Variants in NINL observed in about 807,000 individuals in gnomAD.
NINL encodes the protein ninein like.
Under a neutral mutation model 160.3 loss-of-function variants are expected in NINL, and 153 were observed. The ratio of observed to expected loss-of-function variants is 0.95; its 90% CI spans 0.84 to 1.09. The LOEUF is 1.09. Among genes scored for constraint, NINL ranks in the 50% least tolerant of loss-of-function variants. The pLI is 0.00. For missense variants in NINL, 1,829 were observed against 1,764.0 expected (o/e 1.04, Z -0.66); for synonymous variants, 800 against 734.8 (o/e 1.09, Z -1.43).
At chr20:25,482,150 C>T (rs747215118) in intron 13 of NINL, 50 bp from the exon 14 acceptor site, 33 of 1,566,216 alleles carry the variant, frequency 2.1e-5, no homozygotes, top group Non-Finnish European at 3.5e-6. Context: ...GCCATTCAGC[C>T]CAGCGAGCTG....
intron 1 of NINL, 46 bp from the exon 2 acceptor site, chr20:25,526,644 C>T (rs1446962947): frequency 2.6e-6 from 4 of 1,560,646 alleles, no homozygotes; most frequent in East Asian, 2.3e-5. Flanking sequence ...CACTTTCCCA[C>T]CTCCCCTCCC....
At chr20:25,566,156 C>G (rs1255896302) in intron 1 of NINL, among the ~76,000 whole-genome samples, 2 of 152,210 alleles carry the variant, frequency 1.3e-5, no homozygotes, top group African/African-American at 4.8e-5. Flanking sequence ...GACAGATACC[C>G]TGTTGGTCTC....
intron 14 of NINL, among the ~76,000 whole-genome samples, chr20:25,480,571 G>A (rs1184366895): frequency 6.6e-6 from 1 of 152,266 alleles, no homozygotes; most frequent in South Asian, 2.1e-4. Context: ...AAGATGCCAG[G>A]GTCACGGAGG....
intron 8 of NINL, 127 bp downstream of exon 8, chr20:25,500,713 G>A: frequency 1.2e-6 from 1 of 862,610 alleles, no homozygotes; most frequent in Non-Finnish European, 1.7e-6. Flanking sequence ...TTCCTTGCAT[G>A]GCATTCTCTG....
At chr20:25,453,734 A>C (rs1222419497) in intron 23 of NINL, 92 bp from the exon 24 acceptor site, 1 of 1,238,126 alleles carries the variant, frequency 8.1e-7, no homozygotes, top group Non-Finnish European at 1.1e-6. Context: ...GGTTTACGCA[A>C]ACCACAGTTT....
chr20:25,504,181 C>T (rs1003894970), intron 6 of NINL, 77 bp from the exon 7 acceptor site: 34 of 1,459,786 alleles, frequency 2.3e-5, no homozygotes, highest in Admixed American at 9.4e-5. Flanking sequence ...CTCCCTCCCT[C>T]CCTCCCTCTG....
Position 25,510,717 on chromosome 20 carries a change from G to A in NINL, c.474C>T (p.Ala158=), listed in dbSNP as rs75652027. 3.9e-3 allele frequency: 6,227 copies of A among 1,613,762 alleles called. 212 individuals are homozygous for A. The African/African-American group carries it at 0.07, about 18-fold the overall frequency. Residue 158 remains alanine, a synonymous_variant, in exon 5 of 24, where the codon GCC becomes GCT. Transcript: ENST00000278886. ...SVESPKSDEE[A]ESTKEAQNEL... ...CATTCTGAGCTTCTTTAGTGCTCTC[G>A]GCCTCTTCATCTGACTTGGGACTCT...
chr20:25,476,651 C>T lies in NINL; in HGVS notation c.2640G>A (p.Arg880=). 1.9e-6 allele frequency: 3 copies of T among 1,587,962 alleles called. No individual in the cohort carries two copies. In the East Asian group the frequency reaches 6.7e-5, roughly 36 times the overall value. ...GCGTAGCTTCTGTGTCCTGGGCTTG[C>T]CTGCGGCGAGGCCCGGCTCCTGCCG... ...EEAAGAGPRR[R]QAQDTEATQS... The change falls in exon 17 of 24, where the codon AGG becomes AGA. Residue 880 remains arginine (R), a synonymous_variant. Coordinates refer to ENST00000278886, the MANE Select transcript of NINL (RefSeq NM_025176.6).
chr20:25,461,539 C>G lies in NINL; in HGVS notation c.3679G>C (p.Glu1227Gln), dbSNP rs772349300. ...LPWSELTQTL[E>Q]ESQDQVQGAH... ...ACACCCACCTGGTCTTGACTTTCCT[C>G]AAGGGTCTGGGTCAGCTCTGACCAT... The change falls in exon 21 of 24, where the codon GAG becomes CAG. Residue 1227 changes from glutamate (E) to glutamine (Q), a missense_variant. Physicochemically the swap from Glu to Gln is conservative, Grantham distance 29. Coordinates refer to ENST00000278886, the MANE Select transcript of NINL (RefSeq NM_025176.6). The G allele has an allele frequency of 6.3e-7, 1 of 1,576,304 alleles. No individual in the cohort carries two copies. The highest frequency in any genetic ancestry group is 1.4e-5 in the African/African-American group (1 of 72,816).
Position 25,476,985 on chromosome 20 carries a change from A to G in NINL, c.2306T>C (p.Leu769Pro), listed in dbSNP as rs763417743. 11 of 1,605,112 alleles carry G rather than the reference A, an allele frequency of 6.9e-6. No individual in the cohort carries two copies. The East Asian group carries it at 2.5e-4, about 36-fold the overall frequency. The change falls in exon 17 of 24, where the codon CTG becomes CCG. Residue 769 changes from leucine (L) to proline (P), a missense_variant. By Grantham distance (98) the Leu-to-Pro change is moderately conservative (BLOSUM62 -3). Coordinates refer to ENST00000278886, the MANE Select transcript of NINL (RefSeq NM_025176.6). ...LELEEPPQGP[L>P]PRGSQRSEQL... Reference sequence around the variant, plus strand: ...CTCCGACCTCTGGCTCCCGCGTGGCAGGGGTCCCTGCGGCGGCTCCTCCAG... The same window carrying G: ...CTCCGACCTCTGGCTCCCGCGTGGCGGGGGTCCCTGCGGCGGCTCCTCCAG...
At chr20:25,463,940 G>C (rs1278208220) in intron 19 of NINL, among the ~76,000 whole-genome samples, 1 of 152,168 alleles carries the variant, frequency 6.6e-6, no homozygotes. Context: ...AGTTGTGTAT[G>C]GTATAGAGCT....
intron 1 of NINL, among the ~76,000 whole-genome samples, chr20:25,578,590 G>A (rs894619027): frequency 1.1e-4 from 16 of 151,574 alleles, no homozygotes; most frequent in South Asian, 2.1e-4. Flanking sequence ...TCAGGAGACC[G>A]AGACCATCCT....
chr20:25,461,599 A>T lies in NINL; in HGVS notation c.3619T>A (p.Cys1207Ser). 6.2e-7 allele frequency: 1 copy of T among 1,612,108 alleles called. No individual in the cohort carries two copies. Among genetic ancestry groups the T allele is most frequent in the Non-Finnish European group, 8.5e-7 (1 of 1,179,318 alleles). The part of the protein sequence containing the change: ...QIQKLRVELE[C>S]LNQEHQSLQL... ...AGGCTCTGATGTTCCTGATTCAGGC[A>T]TTCAAGTTCAACTCTAAGTTTTTGG... The change falls in exon 21 of 24, where the codon TGC becomes AGC. Residue 1207 changes from cysteine (C) to serine (S), a missense_variant. Coordinates refer to ENST00000278886, the MANE Select transcript of NINL (RefSeq NM_025176.6).
In NINL at chr20:25,520,285, T is replaced by C. The variant is rs145199647; in HGVS notation, c.181-2436A>G. On this transcript the variant is annotated intron_variant, in intron 2 of 23. Transcript: ENST00000278886. ...CAGAAAGAAATCAACAGAAGGGCTA[T>C]TAGGCTGGTCAAAATATCACCACTA... Among the ~76,000 whole-genome samples, 552 of 152,266 alleles carry C rather than the reference T, an allele frequency of 3.6e-3. 4 individuals are homozygous for C. The highest frequency in any genetic ancestry group is 0.012 in the African/African-American group (510 of 41,532).
At position 25,461,633 on chromosome 20, in the gene NINL, A is replaced by C; in HGVS notation, c.3585T>G (p.Ser1195Arg). ...CAACTCTAAGTTTTTGGATTTGGTC[A>C]CTCTGTTTTTAAAAAATCAATTGCA... ...EEVVRSGQQQ[S>R]DQIQKLRVEL... is the part of the protein sequence containing the mutation. The change falls in exon 21 of 24, where the codon AGT becomes AGG. Residue 1195 changes from serine (S) to arginine (R), a missense_variant and splice_region_variant. Transcript: ENST00000278886. The C allele has an allele frequency of 6.2e-7, 1 of 1,605,396 alleles. No individual in the cohort carries two copies. Among genetic ancestry groups the C allele is most frequent in the South Asian group, 1.1e-5 (1 of 90,620 alleles).
At chr20:25,538,227 G>A (rs929103180) in intron 1 of NINL, among the ~76,000 whole-genome samples, 1 of 152,136 alleles carries the variant, frequency 6.6e-6, no homozygotes, top group Non-Finnish European at 1.5e-5. Flanking sequence ...GCCAGGTGAG[G>A]GGAGCTCTGT....
Position 25,519,430 on chromosome 20 carries a change from A to G in NINL, c.181-1581T>C, listed in dbSNP as rs73335374. Reference sequence around the variant, plus strand: ...ACTTTCCATCTGGAATAATTTTCCAACTATTTAAAATACATCTTTAGAACT... The same window carrying G: ...ACTTTCCATCTGGAATAATTTTCCAGCTATTTAAAATACATCTTTAGAACT... On this transcript the variant is annotated intron_variant, in intron 2 of 23. Coordinates refer to ENST00000278886, the MANE Select transcript of NINL (RefSeq NM_025176.6). Among the ~76,000 whole-genome samples the G allele has an allele frequency of 3.7e-4, 57 of 152,352 alleles. 1 individual carries two copies. The highest frequency in any genetic ancestry group is 1.4e-3 in the African/African-American group (57 of 41,588).
intron 1 of NINL, among the ~76,000 whole-genome samples, chr20:25,541,385 A>C (rs1760478312): frequency 6.6e-6 from 1 of 152,264 alleles, no homozygotes; most frequent in Non-Finnish European, 1.5e-5. Flanking sequence ...TTATACAGGC[A>C]AATGTGTCTG....
chr20:25,497,749 G>A (rs2063786616), intron 9 of NINL, among the ~76,000 whole-genome samples: 1 of 152,204 alleles, frequency 6.6e-6, no homozygotes, highest in African/African-American at 2.4e-5. Flanking sequence ...CCCCTGGCGC[G>A]AGAGGCAGCG....
Sources: gnomAD v4.1 joint callset for allele counts (sites outside exome capture counted in the v4.1 genomes callset) on GRCh38, gnomAD v4.1.1 for gene constraint, MANE v1.5 for transcripts, NCBI Gene and HGNC (gene_info 2026-07-23, HGNC 2026-07-21) for gene names.